Variants in MTAP observed in about 807,000 individuals in gnomAD.
MTAP encodes S-methyl-5'-thioadenosine phosphorylase.
Under a neutral mutation model 33.6 loss-of-function variants are expected in MTAP, and 33 were observed. The observed-to-expected ratio is 0.98, with a 90% confidence interval of 0.74 to 1.31. The LOEUF (loss-of-function observed/expected upper bound fraction) is 1.31. Among genes scored for constraint, MTAP ranks in the 40% most tolerant of loss-of-function variants. The probability of loss-of-function intolerance (pLI) is 0.00; values close to 1 mark genes in which losing one functional copy is unlikely to be tolerated. For missense variants in MTAP, 367 were observed against 360.0 expected (o/e 1.02, Z -0.16); for synonymous variants, 148 against 125.7 (o/e 1.18, Z -1.19).
intron 1 of MTAP, among the ~76,000 whole-genome samples, chr9:21,914,421 T>C (rs1207431064): frequency 6.6e-6 from 1 of 152,090 alleles, no homozygotes; most frequent in Non-Finnish European, 1.5e-5. Context: ...GAAAATGTTG[T>C]ACATATACAC....
At chr9:21,903,602 G>A (rs978561418) in intron 1 of MTAP, among the ~76,000 whole-genome samples, 2 of 152,164 alleles carry the variant, frequency 1.3e-5, no homozygotes, top group Admixed American at 1.3e-4. Context: ...CAGACTCATT[G>A]GGAGAAGACA....
At chr9:21,918,137 T>G (rs1463524361) in intron 1 of MTAP, among the ~76,000 whole-genome samples, 1 of 128,810 alleles carries the variant, frequency 7.8e-6, no homozygotes, top group Non-Finnish European at 1.5e-5. Context: ...GATCACGAGG[T>G]CAGGAGATCG....
In MTAP at chr9:21,904,086, C is replaced by G. The variant is rs116060249; in HGVS notation, c.148-26922C>G. On this transcript the variant is annotated intron_variant, in intron 1 of 1. Transcript: ENST00000577563. ...CCCCTTGGGTCAGGCCACTCGGCAG[C>G]CTGGGCGGCCTGGGCTGTCCTCCGA... is the stretch of plus-strand genomic sequence containing the variant. Among the ~76,000 whole-genome samples the G allele has an allele frequency of 4.5e-3, 683 of 152,266 alleles. 5 individuals carry two copies. The highest frequency in any genetic ancestry group is 0.015 in the African/African-American group (606 of 41,556).
At chr9:21,883,304 A>C (rs1391916712) in intron 1 of MTAP, among the ~76,000 whole-genome samples, 1 of 152,092 alleles carries the variant, frequency 6.6e-6, no homozygotes, top group Non-Finnish European at 1.5e-5. Context: ...TGATAAGAGA[A>C]ATGAAAATTT....
At chr9:21,914,543 A>G (rs1428510496) in intron 1 of MTAP, among the ~76,000 whole-genome samples, 1 of 147,660 alleles carries the variant, frequency 6.8e-6, no homozygotes, top group African/African-American at 2.5e-5. Context: ...AGAAAACCAA[A>G]CACCGCGTGT....
intron 6 of MTAP, among the ~76,000 whole-genome samples, chr9:21,855,628 G>A (rs1825624687): frequency 1.3e-5 from 2 of 152,176 alleles, no homozygotes; most frequent in African/African-American, 4.8e-5. Flanking sequence ...GAAGGACAGT[G>A]AGGGGTTCAG....
In MTAP at chr9:21,802,644, T is replaced by C; in HGVS notation, c.-105T>C. The C allele has an allele frequency of 7.5e-7, 1 of 1,324,836 alleles. No individual in the cohort carries two copies. 82.1% of individuals were successfully genotyped at this position (1,324,836 alleles called of 1,614,324 possible). On this transcript the variant is annotated 5_prime_UTR_variant, in exon 1 of 8. Transcript: ENST00000644715. ...CAAGGCCCGCCCCTGGTCTCCGCAC[T>C]GCTCACTCCCGCGCAGTGAGGTTGG...
At chr9:21,805,016 C>T (rs1176929540) in intron 1 of MTAP, among the ~76,000 whole-genome samples, 1 of 152,212 alleles carries the variant, frequency 6.6e-6, no homozygotes, top group Non-Finnish European at 1.5e-5. Flanking sequence ...CAGGCTGCCT[C>T]CAGTGCCCAC....
intron 6 of MTAP, 159 bp from the exon 7 acceptor site, chr9:21,859,144 C>A: frequency 9.6e-7 from 1 of 1,042,862 alleles, no homozygotes. Context: ...CCCAAATGCC[C>A]AACCTCCAAA....
At chr9:21,878,880 A>T (rs1463715207) in intron 1 of MTAP, among the ~76,000 whole-genome samples, 1 of 152,182 alleles carries the variant, frequency 6.6e-6, no homozygotes, top group Non-Finnish European at 1.5e-5. Flanking sequence ...CAATTTTTAA[A>T]ATCTTGACTT....
At chr9:21,916,162 C>T (rs938489267) in intron 1 of MTAP, among the ~76,000 whole-genome samples, 11 of 150,716 alleles carry the variant, frequency 7.3e-5, no homozygotes, top group African/African-American at 2.2e-4. Flanking sequence ...AAAGTTTGTA[C>T]TTGGTTGAAT....
At chr9:21,859,100 C>A in intron 6 of MTAP, 1 of 534,974 alleles carries the variant, frequency 1.9e-6, no homozygotes. Context: ...CTAATCCTAT[C>A]CACGAGGACT....
At chr9:21,842,945 C>T (rs1825287684) in intron 5 of MTAP, among the ~76,000 whole-genome samples, 2 of 152,152 alleles carry the variant, frequency 1.3e-5, no homozygotes, top group Non-Finnish European at 2.9e-5. Context: ...GACCTAAATG[C>T]CCCACTTAAG....
At chr9:21,806,962 A>G (rs1824223246) in intron 1 of MTAP, among the ~76,000 whole-genome samples, 1 of 152,114 alleles carries the variant, frequency 6.6e-6, no homozygotes, top group Admixed American at 6.5e-5. Flanking sequence ...TCAGAAGTTC[A>G]AGACCAGCCT....
In MTAP at chr9:21,862,360, G is replaced by A. The variant is rs1335613952; in HGVS notation, c.*346G>A. 2 of 192,018 alleles carry A rather than the reference G, an allele frequency of 1.0e-5. No homozygotes were observed. The highest frequency in any genetic ancestry group is 1.7e-4 in the South Asian group (1 of 5,970). The allele number at this position is 192,018 out of a possible 1,614,324, so 11.9% of individuals were successfully genotyped here. A position where few individuals can be genotyped will look rare whatever the true frequency, so the allele number is the denominator to read the frequency against. On this transcript the variant is annotated 3_prime_UTR_variant, in exon 8 of 8. Coordinates refer to ENST00000644715, the MANE Select transcript of MTAP (RefSeq NM_002451.4). The stretch of plus-strand genomic sequence containing the variant: ...TTTCCTATACTGCCAAAGAATGTGA[G>A]GAAGAAATGGGACTCTTTGGTTATT...
exon 8 of MTAP, chr9:21,937,353 C>T (rs1819058221): frequency 6.6e-6 from 1 of 151,930 alleles, no homozygotes; most frequent in Admixed American, 6.6e-5. Context: ...AAAAAAGAGT[C>T]TTAATATCAA....
chr9:21,848,607 G>A (rs1459281831), intron 5 of MTAP, among the ~76,000 whole-genome samples: 1 of 152,178 alleles, frequency 6.6e-6, no homozygotes, highest in African/African-American at 2.4e-5. Context: ...AAAGGCTTAT[G>A]GAAATTCAGA....
At chr9:21,898,706 T>C (rs1206345180) in intron 1 of MTAP, among the ~76,000 whole-genome samples, 1 of 152,158 alleles carries the variant, frequency 6.6e-6, no homozygotes, top group African/African-American at 2.4e-5. Flanking sequence ...CCAGTTAGAA[T>C]GGCGATCATT....
At chr9:21,856,583 T>A (rs1825648647) in intron 6 of MTAP, among the ~76,000 whole-genome samples, 1 of 152,198 alleles carries the variant, frequency 6.6e-6, no homozygotes, top group Non-Finnish European at 1.5e-5. Flanking sequence ...TTCTGCTCAG[T>A]CTAATAACAT....
Sources: gnomAD v4.1 joint callset for allele counts (sites outside exome capture counted in the v4.1 genomes callset) on GRCh38, gnomAD v4.1.1 for gene constraint, MANE v1.5 for transcripts, NCBI Gene and HGNC (gene_info 2026-07-23, HGNC 2026-07-21) for gene names.